Variants in KATNAL1 observed in about 807,000 individuals in gnomAD.
KATNAL1 encodes the protein katanin p60 ATPase-containing subunit A-like 1.
A neutral mutation model predicts 55.2 loss-of-function variants in KATNAL1; 32 were observed. That is an observed-to-expected ratio of 0.58 (90% CI 0.44 to 0.78). The LOEUF (loss-of-function observed/expected upper bound fraction) is 0.78. Among genes scored for constraint, KATNAL1 ranks in the 30% least tolerant of loss-of-function variants. The probability of loss-of-function intolerance (pLI) is 0.00; values close to 1 mark genes in which losing one functional copy is unlikely to be tolerated. For missense variants in KATNAL1, 466 were observed against 600.9 expected, an observed-to-expected ratio of 0.78 and a Z score of 2.35; for synonymous variants, 193 against 193.6, an observed-to-expected ratio of 1.00 and a Z score of 0.02.
rs745883297 is a variant in KATNAL1 at position 30,241,100 on chromosome 13, T to TA, written c.493-15dup. The TA allele has an allele frequency of 7.8e-5, 124 of 1,594,058 alleles. No homozygotes were observed. The highest frequency in any genetic ancestry group is 1.8e-4 in the African/African-American group (13 of 73,778). ...ATTCTTCCTTCCCTGGGGATAGGTA[T>TA]AAAAAAAAAGTACTAGTCAGTAATG... is the stretch of plus-strand genomic sequence containing the variant. On this transcript the variant is annotated splice_polypyrimidine_tract_variant and intron_variant, in intron 4 of 10. Coordinates refer to ENST00000380615, the MANE Select transcript of KATNAL1 (RefSeq NM_032116.5).
At position 30,204,441 on chromosome 13, in the gene KATNAL1, GA is replaced by G. The variant is rs1872932102; in HGVS notation, c.*4098del. 6.6e-6 allele frequency: 1 copy of G among 152,128 alleles called. No individual in the cohort carries two copies. The highest frequency in any genetic ancestry group is 2.4e-5 in the African/African-American group (1 of 41,420). 9.4% of individuals were successfully genotyped at this position (152,128 alleles called of 1,614,324 possible). On this transcript the variant is annotated 3_prime_UTR_variant, in exon 11 of 11. Coordinates refer to ENST00000380615, the MANE Select transcript of KATNAL1 (RefSeq NM_032116.5). ...ATTTTATCTCAAGTTAGGGTGGGGGGAAAGTGAATCACAGCTACCTCAGCTG... is the reference window on the plus strand; with the variant it reads ...ATTTTATCTCAAGTTAGGGTGGGGGGAAGTGAATCACAGCTACCTCAGCTG...
intron 1 of KATNAL1, among the ~76,000 whole-genome samples, chr13:30,304,864 G>A (rs1027882117): frequency 1.3e-5 from 2 of 152,168 alleles, no homozygotes; most frequent in African/African-American, 4.8e-5. Flanking sequence ...CCTCAGTCAT[G>A]CTAGCCAGAA....
rs189983872 is a variant in KATNAL1, at chr13:30,204,915, T to G, written c.*3625A>C. 76 of 152,214 alleles carry G rather than the reference T, an allele frequency of 5.0e-4. No individual in the cohort carries two copies. In the East Asian group the frequency reaches 0.014, roughly 27 times the overall value. The allele number at this position is 152,214 out of a possible 1,614,324, so 9.4% of individuals were successfully genotyped here. A position where few individuals can be genotyped will look rare whatever the true frequency, so the allele number is the denominator to read the frequency against. On this transcript the variant is annotated 3_prime_UTR_variant, in exon 11 of 11. Transcript: ENST00000380615. Reference sequence around the variant, plus strand: ...AAGTCTGTGATGCCACCATCTATTGTCTACTTGGATCACTAGAAGGTTGCA... The same window carrying G: ...AAGTCTGTGATGCCACCATCTATTGGCTACTTGGATCACTAGAAGGTTGCA...
rs1237962641 is a variant in KATNAL1, at chr13:30,265,198, G to T, written c.324-9583C>A. Reference sequence around the variant, plus strand: ...TGAGAACACATGGACACAGGAAGGGGAACATCACACTCTGGGGACTGTTGT... The same window carrying T: ...TGAGAACACATGGACACAGGAAGGGTAACATCACACTCTGGGGACTGTTGT... On this transcript the variant is annotated intron_variant, in intron 3 of 10. Coordinates refer to ENST00000380615, the MANE Select transcript of KATNAL1 (RefSeq NM_032116.5). Among the ~76,000 whole-genome samples, 38 of 142,734 alleles carry T rather than the reference G, an allele frequency of 2.7e-4. 1 individual carries two copies. In the East Asian group the frequency reaches 2.7e-3, roughly 10 times the overall value. The allele number at this position is 142,734 out of a possible 152,430, so 93.6% of individuals were successfully genotyped here.
intron 9 of KATNAL1, among the ~76,000 whole-genome samples, chr13:30,221,810 G>A (rs1268101736): frequency 1.3e-5 from 2 of 152,206 alleles, no homozygotes; most frequent in African/African-American, 4.8e-5. Context: ...CCAGCACTTT[G>A]AGAGGTGGAG....
chr13:30,304,588 G>C (rs972561529), intron 1 of KATNAL1, among the ~76,000 whole-genome samples: 1 of 152,130 alleles, frequency 6.6e-6, no homozygotes, highest in African/African-American at 2.4e-5. Flanking sequence ...TCTTAAATGA[G>C]AGTTCCATAT....
intron 4 of KATNAL1, among the ~76,000 whole-genome samples, chr13:30,249,780 TTTC>T (rs1878131172): frequency 6.6e-6 from 1 of 152,196 alleles, no homozygotes. Context: ...AAATGTTCGA[TTTC>T]TTGACCCCAG....
chr13:30,289,696 C>T (rs1047941219), intron 1 of KATNAL1, among the ~76,000 whole-genome samples: 8 of 152,140 alleles, frequency 5.3e-5, no homozygotes. Context: ...GTATAACATT[C>T]CAAGTCTATT....
At chr13:30,298,471 G>A (rs1566137038) in intron 1 of KATNAL1, among the ~76,000 whole-genome samples, 8 of 152,004 alleles carry the variant, frequency 5.3e-5, no homozygotes, top group Admixed American at 2.6e-4. Context: ...ATTTACCCAG[G>A]CTTTACTTTA....
chr13:30,205,780 G>A lies in KATNAL1; in HGVS notation c.*2760C>T, dbSNP rs1452269761. ...TGTGTGTGTGTGTGTGTGTGTGTGT[G>A]TGTGTGTGTCTCACGCCTATAAGGC... On this transcript the variant is annotated 3_prime_UTR_variant, in exon 11 of 11. Coordinates refer to ENST00000380615, the MANE Select transcript of KATNAL1 (RefSeq NM_032116.5). The A allele has an allele frequency of 1.4e-5, 2 of 147,704 alleles. No individual in the cohort carries two copies. Among genetic ancestry groups the A allele is most frequent in the Non-Finnish European group, 2.9e-5 (2 of 68,408 alleles). 9.1% of individuals were successfully genotyped at this position (147,704 alleles called of 1,614,324 possible).
intron 6 of KATNAL1, among the ~76,000 whole-genome samples, chr13:30,238,942 T>C (rs1876973193): frequency 6.6e-6 from 1 of 152,168 alleles, no homozygotes; most frequent in South Asian, 2.1e-4. Context: ...TAAAGGTCTA[T>C]TATGGTTGTC....
chr13:30,230,601 G>A lies in KATNAL1; in HGVS notation c.886-7C>T. 6.3e-7 allele frequency: 1 copy of A among 1,575,764 alleles called. No individual in the cohort carries two copies. Among genetic ancestry groups the A allele is most frequent in the South Asian group, 1.2e-5 (1 of 85,388 alleles). On this transcript the variant is annotated splice_region_variant and splice_polypyrimidine_tract_variant and intron_variant, in intron 7 of 10. Coordinates refer to ENST00000380615, the MANE Select transcript of KATNAL1 (RefSeq NM_032116.5). ...TAGGGGCATAAAATCTAGCCTTTATGAAAATATTTTAAAGAAATCATTCAA... is the reference window on the plus strand; with the variant it reads ...TAGGGGCATAAAATCTAGCCTTTATAAAAATATTTTAAAGAAATCATTCAA...
chr13:30,222,085 A>G (rs1376535524), intron 9 of KATNAL1, among the ~76,000 whole-genome samples: 1 of 152,146 alleles, frequency 6.6e-6, no homozygotes, highest in Non-Finnish European at 1.5e-5. Flanking sequence ...ATTATTCTGA[A>G]TGTGTCTGTG....
Position 30,204,812 on chromosome 13 carries a change from A to G in KATNAL1, c.*3728T>C, listed in dbSNP as rs1872964222. On this transcript the variant is annotated 3_prime_UTR_variant, in exon 11 of 11. Coordinates refer to ENST00000380615, the MANE Select transcript of KATNAL1 (RefSeq NM_032116.5). ...AAATTAAGCCCTGAGCTATACAGCT[A>G]GACCACCGCATGTTTTCCCCTTCCA... is the stretch of plus-strand genomic sequence containing the variant. 6.6e-6 allele frequency: 1 copy of G among 152,140 alleles called. No homozygotes were observed. Among genetic ancestry groups the G allele is most frequent in the Non-Finnish European group, 1.5e-5 (1 of 68,036 alleles). 9.4% of individuals were successfully genotyped at this position (152,140 alleles called of 1,614,324 possible).
intron 8 of KATNAL1, among the ~76,000 whole-genome samples, chr13:30,228,607 TTCTC>T (rs1412119143): frequency 1.3e-5 from 2 of 152,254 alleles, no homozygotes; most frequent in Non-Finnish European, 2.9e-5. Context: ...ACTCATTCCT[TTCTC>T]TCATACTTTA....
At chr13:30,264,414 G>T (rs1370426696) in intron 3 of KATNAL1, among the ~76,000 whole-genome samples, 1 of 138,146 alleles carries the variant, frequency 7.2e-6, no homozygotes, top group South Asian at 2.4e-4. Flanking sequence ...CACAGCAAAA[G>T]AAACTACCAT....
intron 3 of KATNAL1, among the ~76,000 whole-genome samples, chr13:30,259,412 T>C (rs868284449): frequency 3.5e-4 from 53 of 151,726 alleles, no homozygotes; most frequent in South Asian, 6.3e-4. Context: ...CAGCTCCCAG[T>C]GTGAGCGACG....
In KATNAL1 at chr13:30,243,749, G is replaced by A. The variant is rs376537015; in HGVS notation, c.493-2663C>T. ...ATTAGGTAGTAAGCTACCACGCATC[G>A]GAAATTACTGGCCAATTAGTAATAA... On this transcript the variant is annotated intron_variant, in intron 4 of 10. Coordinates refer to ENST00000380615, the MANE Select transcript of KATNAL1 (RefSeq NM_032116.5). Among the ~76,000 whole-genome samples, 37 of 152,060 alleles carry A rather than the reference G, an allele frequency of 2.4e-4. No homozygotes were observed. In the East Asian group the frequency reaches 2.9e-3, roughly 12 times the overall value.
At chr13:30,226,482 G>A (rs867854464) in intron 9 of KATNAL1, among the ~76,000 whole-genome samples, 3 of 152,216 alleles carry the variant, frequency 2.0e-5, no homozygotes, top group Admixed American at 2.0e-4. Flanking sequence ...GCCAGACACA[G>A]TGAGTACATG....
Sources: gnomAD v4.1 joint callset for allele counts (sites outside exome capture counted in the v4.1 genomes callset) on GRCh38, gnomAD v4.1.1 for gene constraint, MANE v1.5 for transcripts, NCBI Gene and HGNC (gene_info 2026-07-23, HGNC 2026-07-21) for gene names.